Variants in ZFAND3 observed in about 807,000 individuals in gnomAD.
The protein encoded by ZFAND3 is zinc finger AN1-type containing 3.
In ZFAND3, 10 loss-of-function variants were observed where a neutral mutation model predicts 29.6. The observed-to-expected ratio is 0.34, with a 90% CI of 0.21 to 0.57. The LOEUF (loss-of-function observed/expected upper bound fraction) is 0.57, where lower values mean the gene tolerates loss of function less well. Among genes scored for constraint, ZFAND3 ranks in the 20% least tolerant of loss-of-function variants. ZFAND3 has a pLI of 0.86. For synonymous variants in ZFAND3, 128 were observed against 112.6 expected (o/e 1.14, Z -0.87); for missense variants, 230 against 304.5 (o/e 0.76, Z 1.82).
chr6:37,893,559 G>T (rs1181603234), intron 1 of ZFAND3, among the ~76,000 whole-genome samples: 1 of 152,140 alleles, frequency 6.6e-6, no homozygotes, highest in East Asian at 1.9e-4. Context: ...TTGTTTGTTT[G>T]TTTGTTTTTT....
At chr6:38,149,261 A>G (rs1766172003) in intron 5 of ZFAND3, among the ~76,000 whole-genome samples, 1 of 152,002 alleles carries the variant, frequency 6.6e-6, no homozygotes, top group Admixed American at 6.5e-5. Context: ...AAAGTATAAA[A>G]AAACAGCTAG....
intron 2 of ZFAND3, among the ~76,000 whole-genome samples, chr6:38,055,985 C>T (rs756951760): frequency 3.9e-5 from 6 of 152,284 alleles, no homozygotes; most frequent in East Asian, 1.9e-4. Context: ...GACAAGTGAA[C>T]GGATGATTCT....
In ZFAND3 at chr6:38,061,612, A is replaced by C. The variant is rs755436776; in HGVS notation, c.132A>C (p.Pro44=). 6.2e-7 allele frequency: 1 copy of C among 1,614,214 alleles called. No homozygotes were observed. The highest frequency in any genetic ancestry group is 1.1e-5 in the South Asian group (1 of 91,086). ...CTTCAGATTTTCAAAAGAAACAGCCAGACGATGATTCCGCTCCAAGTACAA... is the reference window on the plus strand; with the variant it reads ...CTTCAGATTTTCAAAAGAAACAGCCCGACGATGATTCCGCTCCAAGTACAA... ...KCFADFQKKQ[P]DDDSAPSTSN... Residue 44 remains proline (P), a synonymous_variant, in exon 3 of 6, where the codon CCA becomes CCC. Coordinates refer to ENST00000287218, the MANE Select transcript of ZFAND3 (RefSeq NM_021943.3).
chr6:37,834,681 A>G (rs562644872), intron 1 of ZFAND3, among the ~76,000 whole-genome samples: 2 of 149,700 alleles, frequency 1.3e-5, no homozygotes, highest in East Asian at 1.9e-4. Flanking sequence ...TGCTGACACT[A>G]TATGATACAT....
At chr6:38,050,114 C>T (rs1422935031) in intron 2 of ZFAND3, among the ~76,000 whole-genome samples, 2 of 151,570 alleles carry the variant, frequency 1.3e-5, no homozygotes, top group Non-Finnish European at 2.9e-5. Flanking sequence ...GTCACCACGC[C>T]TGGCTGATTT....
chr6:37,945,979 A>G (rs1761894707), intron 2 of ZFAND3, among the ~76,000 whole-genome samples: 2 of 152,320 alleles, frequency 1.3e-5, no homozygotes, highest in South Asian at 4.1e-4. Context: ...AATTCAGAGA[A>G]ACAACCCCAC....
chr6:38,005,199 A>T (rs530962119), intron 2 of ZFAND3, among the ~76,000 whole-genome samples: 30 of 152,296 alleles, frequency 2.0e-4, no homozygotes, highest in Middle Eastern at 3.4e-3. Context: ...GGAGCTCCAC[A>T]TATGATGGTT....
intron 1 of ZFAND3, among the ~76,000 whole-genome samples, chr6:37,911,609 G>T (rs1234028269): frequency 2.0e-5 from 3 of 152,076 alleles, no homozygotes; most frequent in African/African-American, 7.2e-5. Context: ...TATGTCTTTT[G>T]ATCTGTTCAA....
At chr6:38,121,281 TG>T (rs1479866985) in intron 5 of ZFAND3, among the ~76,000 whole-genome samples, 1 of 152,172 alleles carries the variant, frequency 6.6e-6, no homozygotes, top group Non-Finnish European at 1.5e-5. Flanking sequence ...GAGGCCAAGG[TG>T]GGAGGATGGC....
intron 4 of ZFAND3, among the ~76,000 whole-genome samples, chr6:38,105,155 G>T (rs925113539): frequency 1.3e-5 from 2 of 152,174 alleles, no homozygotes; most frequent in Non-Finnish European, 2.9e-5. Context: ...TATGTGCTTT[G>T]TGTTAGTGTT....
At chr6:37,913,702 T>C (rs1246687024) in intron 1 of ZFAND3, among the ~76,000 whole-genome samples, 3 of 146,816 alleles carry the variant, frequency 2.0e-5, no homozygotes, top group East Asian at 4.0e-4. Context: ...CTATGGCAGC[T>C]ATATTCTTTT....
In ZFAND3 at chr6:38,010,375, G is replaced by C. The variant is rs538202027; in HGVS notation, c.113-51218G>C. Reference sequence around the variant, plus strand: ...TTTCCCCCCTTACCATCCTTCTAATGAAATGATGTTGAAGGAAACAGTGTT... The same window carrying C: ...TTTCCCCCCTTACCATCCTTCTAATCAAATGATGTTGAAGGAAACAGTGTT... On this transcript the variant is annotated intron_variant, in intron 2 of 5. Transcript: ENST00000287218. Among the ~76,000 whole-genome samples the C allele has an allele frequency of 4.6e-5, 7 of 152,268 alleles. No individual in the cohort carries two copies. The East Asian group carries it at 1.3e-3, about 29-fold the overall frequency.
chr6:38,141,646 A>G (rs1191393987), intron 5 of ZFAND3, among the ~76,000 whole-genome samples: 2 of 152,246 alleles, frequency 1.3e-5, no homozygotes, highest in East Asian at 3.8e-4. Flanking sequence ...ATATGTTCAG[A>G]GGAAGATTTC....
chr6:37,835,604 T>G (rs1047177301), intron 1 of ZFAND3, among the ~76,000 whole-genome samples: 3 of 152,156 alleles, frequency 2.0e-5, no homozygotes, highest in African/African-American at 7.2e-5. Flanking sequence ...GTAAAAAATT[T>G]AAACACATAA....
chr6:37,908,178 C>T (rs1314626672), intron 1 of ZFAND3, among the ~76,000 whole-genome samples: 1 of 152,100 alleles, frequency 6.6e-6, no homozygotes, highest in Non-Finnish European at 1.5e-5. Context: ...GAATACAAGC[C>T]TTCCACATTT....
At chr6:38,123,947 A>G (rs1765581580) in intron 5 of ZFAND3, among the ~76,000 whole-genome samples, 1 of 152,206 alleles carries the variant, frequency 6.6e-6, no homozygotes, top group African/African-American at 2.4e-5. Context: ...GTGGAAGGGG[A>G]CGCGAGTAGG....
intron 2 of ZFAND3, among the ~76,000 whole-genome samples, chr6:37,949,285 C>T (rs984658970): frequency 6.6e-6 from 1 of 152,142 alleles, no homozygotes; most frequent in South Asian, 2.1e-4. Flanking sequence ...GTCCTTTGCC[C>T]ATTTTTTAAT....
At chr6:38,091,091 A>G (rs909619252) in intron 4 of ZFAND3, among the ~76,000 whole-genome samples, 1 of 152,238 alleles carries the variant, frequency 6.6e-6, no homozygotes, top group Non-Finnish European at 1.5e-5. Flanking sequence ...TCAAGCCAGG[A>G]TGCAGTCTAG....
chr6:37,937,720 G>T (rs181999525), intron 2 of ZFAND3, among the ~76,000 whole-genome samples: 35 of 150,718 alleles, frequency 2.3e-4, no homozygotes, highest in Middle Eastern at 3.5e-3. Context: ...TTTGAATAGA[G>T]TATTTCTGTT....
Sources: gnomAD v4.1 joint callset for allele counts (sites outside exome capture counted in the v4.1 genomes callset) on GRCh38, gnomAD v4.1.1 for gene constraint, MANE v1.5 for transcripts, NCBI Gene and HGNC (gene_info 2026-07-23, HGNC 2026-07-21) for gene names.